The following CRACR2B variants were observed in gnomAD, a reference collection of about 807,000 sequenced individuals.
CRACR2B encodes the protein calcium release activated channel regulator 2B.
In CRACR2B, 50 loss-of-function variants were observed where a neutral mutation model predicts 46.0. That is an observed-to-expected ratio of 1.09 (90% CI 0.87 to 1.38). The LOEUF is 1.38. CRACR2B is among the 40% of genes most tolerant of loss of function. The probability of loss-of-function intolerance (pLI) is 0.00; values close to 1 mark genes in which losing one functional copy is unlikely to be tolerated. For missense variants in CRACR2B, 667 were observed against 535.0 expected, an observed-to-expected ratio of 1.25 and a Z score of -2.43; for synonymous variants, 277 against 239.6, an observed-to-expected ratio of 1.16 and a Z score of -1.44.
In CRACR2B at chr11:831,972, A is replaced by C; in HGVS notation, c.*263A>C. On this transcript the variant is annotated 3_prime_UTR_variant, in exon 9 of 9. Transcript: ENST00000525077. ...AGCAGAAAACCCCCTCGTCAAATAA[A>C]ACCCACTGACTGCACTGCGTCCTCC... 1.1e-5 allele frequency: 5 copies of C among 474,342 alleles called. No homozygotes were observed. Among genetic ancestry groups the C allele is most frequent in the Admixed American group, 4.2e-5 (1 of 23,774 alleles). The allele number at this position is 474,342 out of a possible 1,614,324, so 29.4% of individuals were successfully genotyped here.
chr11:827,510 GCCCCA>G, upstream of CRACR2B: 1 of 982,532 alleles, frequency 1.0e-6, no homozygotes, highest in Non-Finnish European at 1.2e-6. Context: ...GAGGCTGGCC[GCCCCA>G]CCCCACCAGC....
chr11:829,527 C>G lies in CRACR2B; in HGVS notation c.445C>G (p.Pro149Ala). Residue 149 changes from proline (P) to alanine (A), a missense_variant, in exon 3 of 9, where the codon CCG becomes GCG. Physicochemically the swap from Pro to Ala is conservative, Grantham distance 27 (BLOSUM62 -1). Coordinates refer to ENST00000525077, the MANE Select transcript of CRACR2B (RefSeq NM_001286606.2). ...TGTGCTGGAGCAGCTGGGGGTGGCC[C>G]CGGTCCTGGGCAAGTGAGTCGGCGC... is the stretch of plus-strand genomic sequence containing the variant. ...HTVLEQLGVA[P>A]VLGKQRAVRT... is the part of the protein sequence containing the mutation. The G allele has an allele frequency of 6.3e-7, 1 of 1,592,510 alleles. No homozygotes were observed. The highest frequency in any genetic ancestry group is 8.5e-7 in the Non-Finnish European group (1 of 1,171,450).
Position 828,691 on chromosome 11 carries a change from T to C in CRACR2B, c.84T>C (p.Ala28=). Residue 28 remains alanine, a synonymous_variant, in exon 1 of 9, where the codon GCT becomes GCC. Transcript: ENST00000525077. ...AGGGGGGCTCTGCAGGGCCGCGGGC[T>C]GCAATACTGGAGCAGGCTGAGGAGC... ...ELEGGSAGPR[A]AILEQAEELF... 2 of 1,611,944 alleles carry C rather than the reference T, an allele frequency of 1.2e-6. No individual in the cohort carries two copies.
chr11:831,717 C>T lies in CRACR2B; in HGVS notation c.*8C>T, dbSNP rs537835845. 3.8e-5 allele frequency: 57 copies of T among 1,502,632 alleles called. No homozygotes were observed. The highest frequency in any genetic ancestry group is 4.6e-5 in the Non-Finnish European group (52 of 1,136,216). 93.1% of individuals were successfully genotyped at this position (1,502,632 alleles called of 1,614,324 possible). ...CTTCCCAGTGCCCGGTGACCAGCCC[C>T]GAGTGACTCACGGACCATGAGCTAG... On this transcript the variant is annotated 3_prime_UTR_variant, in exon 9 of 9. Transcript: ENST00000525077.
chr11:829,431 G>C lies in CRACR2B; in HGVS notation c.349G>C (p.Gly117Arg), dbSNP rs1389072239. Residue 117 changes from glycine to arginine, a missense_variant, in exon 3 of 9, where the codon GGC becomes CGC. Coordinates refer to ENST00000525077, the MANE Select transcript of CRACR2B (RefSeq NM_001286606.2). ...CRTPEETFES[G>R]GLDVQGTAGS... ...GACTCCCGAGGAGACCTTTGAGTCG[G>C]GCGGGCTCGACGTGCAGGGCACGGC... 8 of 1,610,454 alleles carry C rather than the reference G, an allele frequency of 5.0e-6. No individual in the cohort carries two copies. The East Asian group carries it at 1.6e-4, about 31-fold the overall frequency.
Position 829,524 on chromosome 11 carries a change from G to T in CRACR2B, c.442G>T (p.Ala148Ser), listed in dbSNP as rs1423409828. The change falls in exon 3 of 9, where the codon GCC (alanine) becomes TCC (serine). Residue 148 changes from alanine to serine, a missense_variant. Transcript: ENST00000525077. ...FHTVLEQLGV[A>S]PVLGKQRAVR... ...CACTGTGCTGGAGCAGCTGGGGGTG[G>T]CCCCGGTCCTGGGCAAGTGAGTCGG... The T allele has an allele frequency of 2.5e-6, 4 of 1,593,658 alleles. No homozygotes were observed. The highest frequency in any genetic ancestry group is 1.8e-5 in the Admixed American group (1 of 56,144).
chr11:829,661 C>T, intron 3 of CRACR2B, 121 bp downstream of exon 3: 1 of 1,188,562 alleles, frequency 8.4e-7, no homozygotes, highest in Non-Finnish European at 1.1e-6. Flanking sequence ...TCAGGCCCAG[C>T]CTAGCGTCAG....
chr11:830,841 C>G, intron 6 of CRACR2B, 25 bp from the exon 7 acceptor site: 2 of 1,501,738 alleles, frequency 1.3e-6, no homozygotes, highest in Non-Finnish European at 1.8e-6. Flanking sequence ...CGTTCCTCGC[C>G]GGTCTCCATC....
Position 829,732 on chromosome 11 carries a change from G to C in CRACR2B, c.458+192G>C. On this transcript the variant is annotated intron_variant, in intron 3 of 8. Coordinates refer to ENST00000525077, the MANE Select transcript of CRACR2B (RefSeq NM_001286606.2). The stretch of plus-strand genomic sequence containing the variant: ...CGCAGAATTTGCATTTCATGAGGCA[G>C]CAGCCAGGGCTGCAGGGAGGAGGGG... 7.0e-6 allele frequency: 7 copies of C among 1,006,074 alleles called. No individual in the cohort carries two copies. The South Asian group carries it at 1.2e-4, about 17-fold the overall frequency. 62.3% of individuals were successfully genotyped at this position (1,006,074 alleles called of 1,614,324 possible).
chr11:829,516 T>C lies in CRACR2B; in HGVS notation c.434T>C (p.Leu145Pro), dbSNP rs1565102729. ...EERFHTVLEQ[L>P]GVAPVLGKQR... ...CGATTCCACACTGTGCTGGAGCAGCTGGGGGTGGCCCCGGTCCTGGGCAAG... is the reference window on the plus strand; with the variant it reads ...CGATTCCACACTGTGCTGGAGCAGCCGGGGGTGGCCCCGGTCCTGGGCAAG... Residue 145 changes from leucine (L) to proline (P), a missense_variant, in exon 3 of 9, where the codon CTG becomes CCG. Coordinates refer to ENST00000525077, the MANE Select transcript of CRACR2B (RefSeq NM_001286606.2). The C allele has an allele frequency of 1.7e-5, 27 of 1,598,522 alleles. No individual in the cohort carries two copies. The highest frequency in any genetic ancestry group is 2.3e-5 in the Non-Finnish European group (27 of 1,174,038).
In CRACR2B at chr11:830,260, G is replaced by T; in HGVS notation, c.616G>T (p.Glu206Ter). The change falls in exon 5 of 9, where the codon GAG becomes TAG. Residue 206 changes from glutamate (E) to a stop codon, truncating the protein, a stop_gained. Coordinates refer to ENST00000525077, the MANE Select transcript of CRACR2B (RefSeq NM_001286606.2). LOFTEE classifies it high-confidence loss of function. ...CCCGGTCCCCCGAAGGCGCGAGAGC[G>T]AGCACGAGAGGGAGGTGCGCGCTCT... Reference protein sequence around the residue: ...LEQALRRRESEHEREVRALYE... With the variant: ...LEQALRRRES 6.6e-7 allele frequency: 1 copy of T among 1,516,762 alleles called. No homozygotes were observed. 94.0% of individuals were successfully genotyped at this position (1,516,762 alleles called of 1,614,324 possible). A position where few individuals can be genotyped will look rare whatever the true frequency, so the allele number is the denominator to read the frequency against.
chr11:828,938 C>G lies in CRACR2B; in HGVS notation c.252C>G (p.Thr84=). ...ACCGGGCTCACACTGGCTTCCTCAC[C>G]GCCAGGGAGTTCTGCCTGGGCCTGG... is the stretch of plus-strand genomic sequence containing the variant. The part of the protein sequence containing the change: ...SLDRAHTGFL[T]AREFCLGLGM... The change falls in exon 2 of 9, where the codon ACC becomes ACG. Residue 84 remains threonine, a synonymous_variant. Coordinates refer to ENST00000525077, the MANE Select transcript of CRACR2B (RefSeq NM_001286606.2). The G allele has an allele frequency of 6.2e-7, 1 of 1,606,058 alleles. No homozygotes were observed. The highest frequency in any genetic ancestry group is 8.5e-7 in the Non-Finnish European group (1 of 1,179,936).
Position 828,541 on chromosome 11 carries a change from C to G in CRACR2B, c.-67C>G. ...CACTTGCACCCCATCCGCTCCCCTC[C>G]TGAATTTCTTCTGACCCTCCCTTGG... On this transcript the variant is annotated 5_prime_UTR_variant, in exon 1 of 9. Transcript: ENST00000525077. The G allele has an allele frequency of 6.7e-7, 1 of 1,495,994 alleles. No homozygotes were observed. The highest frequency in any genetic ancestry group is 1.3e-5 in the South Asian group (1 of 75,732). The allele number at this position is 1,495,994 out of a possible 1,614,324, so 92.7% of individuals were successfully genotyped here.
chr11:830,470 G>A (rs779515440), intron 5 of CRACR2B, 133 bp downstream of exon 5: 1 of 1,536,564 alleles, frequency 6.5e-7, no homozygotes, highest in South Asian at 1.2e-5. Flanking sequence ...AGCCCGAGGA[G>A]ATCCCACTGG....
chr11:830,177 G>A, intron 4 of CRACR2B, 45 bp downstream of exon 4: 1 of 1,501,932 alleles, frequency 6.7e-7, no homozygotes, highest in South Asian at 1.3e-5. Context: ...GGGCCTCAGG[G>A]CAGCAGCAGA....
chr11:829,632 A>G (rs1465553416), intron 3 of CRACR2B, 92 bp downstream of exon 3: 9 of 1,350,150 alleles, frequency 6.7e-6, no homozygotes, highest in Non-Finnish European at 8.9e-6. Flanking sequence ...CTGGTTCTGC[A>G]CAGGGTCTCT....
chr11:829,651 T>A (rs1217872920), intron 3 of CRACR2B, 111 bp downstream of exon 3: 10 of 1,235,518 alleles, frequency 8.1e-6, no homozygotes, highest in Non-Finnish European at 1.1e-5. Context: ...CTAGGCCGGG[T>A]CAGGCCCAGC....
Position 830,351 on chromosome 11 carries a change from C to A in CRACR2B, c.693+14C>A. On this transcript the variant is annotated intron_variant, in intron 5 of 8. Transcript: ENST00000525077. ...CCGCCGAGTCAGGTGGGCCTCGGGC[C>A]CCGCCCCTCCCGCCAGGCCCAATCC... 1 of 1,535,792 alleles carries A rather than the reference C, an allele frequency of 6.5e-7. No individual in the cohort carries two copies. The highest frequency in any genetic ancestry group is 8.7e-7 in the Non-Finnish European group (1 of 1,145,808).
upstream of CRACR2B, among the ~76,000 whole-genome samples, chr11:826,980 T>C (rs1845944677): frequency 6.6e-6 from 1 of 152,170 alleles, no homozygotes; most frequent in South Asian, 2.1e-4. Context: ...GAGGGGCCCC[T>C]CCCAGGCGCT....
Sources: gnomAD v4.1 joint callset for allele counts (sites outside exome capture counted in the v4.1 genomes callset) on GRCh38, gnomAD v4.1.1 for gene constraint, MANE v1.5 for transcripts, NCBI Gene and HGNC (gene_info 2026-07-23, HGNC 2026-07-21) for gene names.